SNX25: variants seen among roughly 807,000 people sequenced by gnomAD.
SNX25 encodes sorting nexin-25.
Under a neutral mutation model 113.7 loss-of-function variants are expected in SNX25, and 62 were observed. That is an observed-to-expected ratio of 0.55 (90% CI 0.44 to 0.67). The LOEUF (loss-of-function observed/expected upper bound fraction) is 0.67, where lower values mean the gene tolerates loss of function less well. Among genes scored for constraint, SNX25 ranks in the 30% least tolerant of loss-of-function variants. The probability of loss-of-function intolerance (pLI) is 0.00; values close to 1 mark genes in which losing one functional copy is unlikely to be tolerated. For missense variants in SNX25, 1,014 were observed against 1,161.0 expected, an observed-to-expected ratio of 0.87 and a Z score of 1.84; for synonymous variants, 421 against 436.2, an observed-to-expected ratio of 0.97 and a Z score of 0.43.
chr4:185,289,085 C>G (rs1056086623), intron 6 of SNX25, among the ~76,000 whole-genome samples: 2 of 152,122 alleles, frequency 1.3e-5, no homozygotes, highest in African/African-American at 4.8e-5. Flanking sequence ...AAGTACAAAG[C>G]AAATATAGGT....
intron 2 of SNX25, among the ~76,000 whole-genome samples, chr4:185,258,521 A>T (rs1746771387): frequency 6.6e-6 from 1 of 152,178 alleles, no homozygotes; most frequent in Admixed American, 6.5e-5. Context: ...CAATAGACTG[A>T]TATCAGGTAC....
chr4:185,290,919 G>A (rs1466500045), intron 6 of SNX25, among the ~76,000 whole-genome samples: 1 of 152,206 alleles, frequency 6.6e-6, no homozygotes, highest in Non-Finnish European at 1.5e-5. Context: ...AATCAGGAAA[G>A]GGGGCAGTTA....
Position 185,339,375 on chromosome 4 carries a change from G to A in SNX25, c.1915-4G>A, listed in dbSNP as rs766493975. 1.9e-6 allele frequency: 3 copies of A among 1,613,488 alleles called. No individual in the cohort carries two copies. The Admixed American group carries it at 5.0e-5, about 27-fold the overall frequency. On this transcript the variant is annotated splice_region_variant and splice_polypyrimidine_tract_variant and intron_variant, in intron 10 of 18. Transcript: ENST00000652585. The stretch of plus-strand genomic sequence containing the variant: ...TAACTCCCAGGATATTTTCCCTGTG[G>A]CAGATTGTTTCCAAGTTGAAGGATG...
intron 12 of SNX25, among the ~76,000 whole-genome samples, chr4:185,344,396 G>A (rs2095274705): frequency 6.6e-6 from 1 of 152,168 alleles, no homozygotes; most frequent in Non-Finnish European, 1.5e-5. Context: ...CGGCGCCACT[G>A]TGGCCAGAGG....
At position 185,310,748 on chromosome 4, in the gene SNX25, G is replaced by A. The variant is rs1755129086; in HGVS notation, c.1276G>A (p.Gly426Arg). ...GTGTGAGAAGAGAATCCGAATCCTG[G>A]GAGGCCCTGCCTATGACCAGCAAGA... ...KQCEKRIRIL[G>R]GPAYDQQEDG... The change falls in exon 7 of 19, where the codon GGA becomes AGA. Residue 426 changes from glycine to arginine, a missense_variant. Physicochemically the swap from Gly to Arg is moderately radical, Grantham distance 125. Coordinates refer to ENST00000652585, the MANE Select transcript of SNX25 (RefSeq NM_001378034.2). The A allele has an allele frequency of 3.1e-6, 5 of 1,613,822 alleles. No homozygotes were observed. In the Admixed American group the frequency reaches 8.3e-5, roughly 27 times the overall value.
intron 6 of SNX25, among the ~76,000 whole-genome samples, chr4:185,310,404 T>TCC (rs1755080505): frequency 1.3e-5 from 2 of 150,502 alleles, no homozygotes; most frequent in Admixed American, 1.3e-4. Context: ...AAAAAAATGT[T>TCC]TTACCTTTGG....
downstream of SNX25, chr4:185,365,718 C>A (rs576871521): frequency 1.3e-5 from 2 of 148,740 alleles, no homozygotes; most frequent in East Asian, 1.9e-4. Context: ...TAATAATAAT[C>A]TTTAGGAACT....
chr4:185,362,163 C>A (rs997304891), intron 17 of SNX25, 58 bp downstream of exon 17: 1 of 1,488,636 alleles, frequency 6.7e-7, no homozygotes, highest in Non-Finnish European at 9.0e-7. Flanking sequence ...GTGAACCCCA[C>A]TGAGGTGATT....
At chr4:185,306,622 C>T (rs1249527185) in intron 6 of SNX25, among the ~76,000 whole-genome samples, 2 of 152,102 alleles carry the variant, frequency 1.3e-5, no homozygotes, top group Admixed American at 1.3e-4. Flanking sequence ...CATGTTTTAA[C>T]CCCAAATTAA....
intron 1 of SNX25, among the ~76,000 whole-genome samples, chr4:185,244,121 C>G (rs753572792): frequency 2.6e-5 from 4 of 152,184 alleles, no homozygotes; most frequent in Non-Finnish European, 5.9e-5. Flanking sequence ...CCTCACCCTC[C>G]TGAGTAGCTG....
chr4:185,229,137 AACACTC>A (rs141213704), intron 1 of SNX25, among the ~76,000 whole-genome samples: 3,286 of 152,252 alleles, frequency 0.022, 115 homozygotes, highest in African/African-American at 0.071. Context: ...GTGGAACACT[AACACTC>A]CTGGAGTGAA....
intron 6 of SNX25, among the ~76,000 whole-genome samples, chr4:185,295,005 G>A (rs1235396840): frequency 2.0e-5 from 3 of 152,096 alleles, no homozygotes; most frequent in Admixed American, 6.6e-5. Context: ...GTTCTAGATA[G>A]CTGCATTAAA....
chr4:185,293,843 A>G (rs1752501298), intron 6 of SNX25, among the ~76,000 whole-genome samples: 1 of 152,230 alleles, frequency 6.6e-6, no homozygotes, highest in Admixed American at 6.5e-5. Context: ...GCACTAACAG[A>G]GTTAGAGAAA....
At chr4:185,245,028 C>T (rs1411340260) in intron 1 of SNX25, among the ~76,000 whole-genome samples, 1 of 152,030 alleles carries the variant, frequency 6.6e-6, no homozygotes, top group East Asian at 1.9e-4. Flanking sequence ...TGCTTGAGAA[C>T]GAAGTGGTTC....
At chr4:185,290,788 T>A (rs1695023193) in intron 6 of SNX25, among the ~76,000 whole-genome samples, 1 of 149,594 alleles carries the variant, frequency 6.7e-6, no homozygotes, top group Admixed American at 6.6e-5. Flanking sequence ...CAGAATCTAG[T>A]TTAAAGAGAA....
At chr4:185,283,987 T>C (rs923218565) in intron 5 of SNX25, among the ~76,000 whole-genome samples, 9 of 152,332 alleles carry the variant, frequency 5.9e-5, no homozygotes, top group Admixed American at 2.6e-4. Flanking sequence ...ATCAAAAGAA[T>C]AAATTGTTCA....
chr4:185,271,742 T>G (rs1199343564), intron 5 of SNX25, among the ~76,000 whole-genome samples: 1 of 152,260 alleles, frequency 6.6e-6, no homozygotes, highest in African/African-American at 2.4e-5. Flanking sequence ...CCTATCCACT[T>G]TTATTTTTTA....
At chr4:185,223,864 T>C (rs1332912024) in intron 1 of SNX25, among the ~76,000 whole-genome samples, 1 of 152,214 alleles carries the variant, frequency 6.6e-6, no homozygotes, top group Admixed American at 6.5e-5. Flanking sequence ...TATTTTGTCA[T>C]TTTTCAGTTA....
chr4:185,237,896 C>G (rs1478257256), intron 1 of SNX25, among the ~76,000 whole-genome samples: 1 of 151,498 alleles, frequency 6.6e-6, no homozygotes, highest in Non-Finnish European at 1.5e-5. Flanking sequence ...AACCCCGTCT[C>G]TACTATAAAT....
Sources: gnomAD v4.1 joint callset for allele counts (sites outside exome capture counted in the v4.1 genomes callset) on GRCh38, gnomAD v4.1.1 for gene constraint, MANE v1.5 for transcripts, NCBI Gene and HGNC (gene_info 2026-07-23, HGNC 2026-07-21) for gene names.